Variants in SLC15A5 observed in about 807,000 individuals in gnomAD.
The protein encoded by SLC15A5 is Peptide/histidine transporter ENSP00000340402.
In SLC15A5, 58 loss-of-function variants were observed where a neutral mutation model predicts 56.1. The ratio of observed to expected loss-of-function variants is 1.03; its 90% CI spans 0.84 to 1.29. The LOEUF (loss-of-function observed/expected upper bound fraction) is 1.29. Among genes scored for constraint, SLC15A5 ranks in the 50% most tolerant of loss-of-function variants. The probability of loss-of-function intolerance (pLI) is 0.00; values close to 1 mark genes in which losing one functional copy is unlikely to be tolerated. For missense variants in SLC15A5, 681 were observed against 672.1 expected, an observed-to-expected ratio of 1.01 and a Z score of -0.15; for synonymous variants, 264 against 250.5, an observed-to-expected ratio of 1.05 and a Z score of -0.51.
At chr12:16,191,367 T>C (rs1368498568) in intron 8 of SLC15A5, among the ~76,000 whole-genome samples, 1 of 151,934 alleles carries the variant, frequency 6.6e-6, no homozygotes, top group Non-Finnish European at 1.5e-5. Context: ...TGTATTTTGG[T>C]GAGGATGTTG....
At chr12:16,203,269 A>T (rs565482933) in intron 7 of SLC15A5, among the ~76,000 whole-genome samples, 13 of 152,290 alleles carry the variant, frequency 8.5e-5, no homozygotes, top group African/African-American at 3.1e-4. Flanking sequence ...TCAATTAAAA[A>T]TAACATGCAA....
At chr12:16,204,145 C>A (rs527280363) in intron 7 of SLC15A5, among the ~76,000 whole-genome samples, 1 of 152,168 alleles carries the variant, frequency 6.6e-6, no homozygotes, top group Non-Finnish European at 1.5e-5. Flanking sequence ...AAGTTTTACT[C>A]ATTTTATTAA....
intron 3 of SLC15A5, among the ~76,000 whole-genome samples, chr12:16,248,634 G>A (rs1319157919): frequency 6.6e-6 from 1 of 152,070 alleles, no homozygotes; most frequent in Non-Finnish European, 1.5e-5. Context: ...ATGTTAGGAT[G>A]GATACCTGTT....
chr12:16,263,050 T>C (rs1190579710), intron 2 of SLC15A5, among the ~76,000 whole-genome samples: 2 of 152,180 alleles, frequency 1.3e-5, no homozygotes, highest in Admixed American at 6.5e-5. Flanking sequence ...GCTGAAAAGA[T>C]ACCTGCAAAT....
intron 7 of SLC15A5, among the ~76,000 whole-genome samples, chr12:16,195,509 C>A (rs1527004): frequency 0.48 from 73,186 of 151,764 alleles, 18,125 homozygotes; most frequent in South Asian, 0.72. Context: ...AATTTTTTTA[C>A]TGTTATGCAT....
intron 8 of SLC15A5, among the ~76,000 whole-genome samples, chr12:16,191,246 T>A (rs1863835765): frequency 6.6e-6 from 1 of 152,072 alleles, no homozygotes; most frequent in Non-Finnish European, 1.5e-5. Context: ...AATGTCCCAG[T>A]AACCCTCACA....
intron 7 of SLC15A5, among the ~76,000 whole-genome samples, chr12:16,197,246 A>G (rs1031348081): frequency 1.3e-5 from 2 of 152,064 alleles, no homozygotes; most frequent in African/African-American, 2.4e-5. Context: ...CCATATTTAG[A>G]TTCATTTAAC....
At chr12:16,259,754 A>G (rs765374481) in intron 2 of SLC15A5, among the ~76,000 whole-genome samples, 12 of 152,224 alleles carry the variant, frequency 7.9e-5, no homozygotes, top group Non-Finnish European at 1.8e-4. Flanking sequence ...GGAGAGTATG[A>G]CAAAGTAAGC....
intron 7 of SLC15A5, among the ~76,000 whole-genome samples, chr12:16,203,384 C>G (rs373733180): frequency 2.9e-4 from 44 of 152,048 alleles, no homozygotes; most frequent in African/African-American, 1.0e-3. Flanking sequence ...TAATTGCCAA[C>G]AAGTATTGTT....
intron 6 of SLC15A5, among the ~76,000 whole-genome samples, chr12:16,221,232 C>T (rs1864184971): frequency 2.0e-5 from 3 of 152,072 alleles, no homozygotes; most frequent in Admixed American, 6.6e-5. Context: ...GAGAAACATA[C>T]CTTGATGTCA....
Position 16,196,853 on chromosome 12 carries a change from G to A in SLC15A5, c.1484-2400C>T, listed in dbSNP as rs756337963. 6.6e-6 allele frequency among the ~76,000 whole-genome samples: 1 copy of A among 151,982 alleles called. No homozygotes were observed. The highest frequency in any genetic ancestry group is 1.5e-5 in the Non-Finnish European group (1 of 67,978). On this transcript the variant is annotated intron_variant, in intron 7 of 8. Coordinates refer to ENST00000344941, the MANE Select transcript of SLC15A5 (RefSeq NM_001170798.1). This position sits in a 1 kb window ranked among gnomAD's most constrained non-coding sequence, Gnocchi z 4.0. ...TAAAACATAATATTTTAAAGAAATT[G>A]TTTCATTATGGCAAATACCAGCCTT... is the stretch of plus-strand genomic sequence containing the variant.
At chr12:16,217,493 A>G (rs963304030) in intron 6 of SLC15A5, among the ~76,000 whole-genome samples, 1 of 152,146 alleles carries the variant, frequency 6.6e-6, no homozygotes, top group Non-Finnish European at 1.5e-5. Context: ...TTAAAATACC[A>G]TGTCAGCCAT....
intron 2 of SLC15A5, among the ~76,000 whole-genome samples, chr12:16,258,918 CAG>C (rs994950415): frequency 1.1e-4 from 17 of 149,848 alleles, no homozygotes; most frequent in African/African-American, 4.2e-4. Flanking sequence ...TGCCTGCACT[CAG>C]GGGGATGGGT....
intron 7 of SLC15A5, among the ~76,000 whole-genome samples, chr12:16,205,084 AAAG>A (rs1465165173): frequency 4.6e-5 from 7 of 152,230 alleles, no homozygotes; most frequent in African/African-American, 1.4e-4. Context: ...TAAACTGACA[AAAG>A]AAGACCAAAA....
chr12:16,272,758 A>G lies in SLC15A5; in HGVS notation c.387T>C (p.Ala129=). Residue 129 remains alanine (A), a synonymous_variant, in exon 2 of 9, where the codon GCT becomes GCC. Transcript: ENST00000344941. ...FLGTALLSVV[A]FPLEDFYLGT... ...CCAGATAGAAATCTTCCAAGGGAAA[A>G]GCCACCACAGATAACAAAGCAGTGC... 6.5e-7 allele frequency: 1 copy of G among 1,537,186 alleles called. No individual in the cohort carries two copies. The highest frequency in any genetic ancestry group is 8.7e-7 in the Non-Finnish European group (1 of 1,146,678).
intron 7 of SLC15A5, among the ~76,000 whole-genome samples, chr12:16,210,080 C>A (rs1277360228): frequency 6.6e-6 from 1 of 152,178 alleles, no homozygotes; most frequent in Non-Finnish European, 1.5e-5. Flanking sequence ...AGCTTACTGG[C>A]CTTCTCTGGG....
At chr12:16,262,200 C>T (rs189623409) in intron 2 of SLC15A5, among the ~76,000 whole-genome samples, 31 of 152,328 alleles carry the variant, frequency 2.0e-4, no homozygotes, top group Middle Eastern at 3.4e-3. Context: ...AGGGCTAATT[C>T]GGCTAAATAT....
intron 3 of SLC15A5, among the ~76,000 whole-genome samples, chr12:16,254,968 T>C (rs1459680091): frequency 6.6e-6 from 1 of 152,080 alleles, no homozygotes; most frequent in African/African-American, 2.4e-5. Context: ...ATTATATAGT[T>C]TTAGATAGCT....
intron 7 of SLC15A5, among the ~76,000 whole-genome samples, chr12:16,216,540 C>G (rs1864131011): frequency 6.6e-6 from 1 of 152,072 alleles, no homozygotes; most frequent in Non-Finnish European, 1.5e-5. Context: ...TACCCTATCC[C>G]CTATATTTAC....
Sources: allele counts gnomAD v4.1 joint callset (sites outside exome capture counted in the v4.1 genomes callset), GRCh38; gene constraint gnomAD v4.1.1; non-coding constraint Gnocchi (gnomAD v3.1); transcripts MANE v1.5; gene names NCBI Gene and HGNC (gene_info 2026-07-23, HGNC 2026-07-21).